HINT1: variants seen among roughly 807,000 people sequenced by gnomAD.
HINT1 encodes the protein histidine triad nucleotide binding protein 1, also known as adenosine 5'-monophosphoramidase HINT1.
Under a neutral mutation model 11.2 loss-of-function variants are expected in HINT1, and 12 were observed. The ratio of observed to expected loss-of-function variants is 1.07; its 90% CI spans 0.69 to 1.74. HINT1 has a LOEUF of 1.74. Ranked by LOEUF, HINT1 falls within the 40% of genes most tolerant of loss-of-function variation. The pLI is 0.00. For missense variants in HINT1, 150 were observed against 161.8 expected, an observed-to-expected ratio of 0.93 and a Z score of 0.40; for synonymous variants, 42 against 52.6, an observed-to-expected ratio of 0.80 and a Z score of 0.87.
At chr5:131,164,776 G>A (rs532303774) in intron 1 of HINT1, among the ~76,000 whole-genome samples, 15 of 152,206 alleles carry the variant, frequency 9.9e-5, no homozygotes, top group African/African-American at 3.6e-4. Flanking sequence ...AGGCAGCCGG[G>A]GAACCGGCGG....
intron 1 of HINT1, among the ~76,000 whole-genome samples, 163 bp from the exon 2 acceptor site, chr5:131,162,839 G>A (rs978968378): frequency 4.0e-5 from 6 of 151,878 alleles, no homozygotes; most frequent in African/African-American, 1.5e-4. Flanking sequence ...CCTTTCCATG[G>A]AAGTCTTTTT....
chr5:131,162,459 G>T (rs749678522), intron 2 of HINT1, 113 bp downstream of exon 2: 2 of 1,549,502 alleles, frequency 1.3e-6, no homozygotes, highest in African/African-American at 2.7e-5. Flanking sequence ...GGTTTTTCTG[G>T]TTTTTCCTTA....
chr5:131,162,589 C>A lies in HINT1; in HGVS notation c.199G>T (p.Glu67Ter), dbSNP rs1156372532. 6.2e-7 allele frequency: 1 copy of A among 1,611,870 alleles called. No homozygotes were observed. Among genetic ancestry groups the A allele is most frequent in the Admixed American group, 1.7e-5 (1 of 60,006 alleles). ...GTACTTACACTTTCATCATCATCTT[C>A]TGCCACAGAAATCTGGGATATATGT... ...KKHISQISVA[E>*]DDDESLLGHL... Residue 67 changes from glutamate to a stop codon, truncating the protein, a stop_gained, in exon 2 of 3, where the codon GAA (glutamate) becomes TAA (stop). Transcript: ENST00000304043. LOFTEE classifies it high-confidence loss of function.
chr5:131,163,585 G>T (rs1201448358), intron 1 of HINT1, among the ~76,000 whole-genome samples: 1 of 144,776 alleles, frequency 6.9e-6, no homozygotes, highest in African/African-American at 2.5e-5. Flanking sequence ...CAATTTCCTG[G>T]TTTTTTTTTT....
Position 131,165,142 on chromosome 5 carries a change from T to C in HINT1, c.64A>G (p.Ile22Val). Residue 22 changes from isoleucine (I) to valine (V), a missense_variant, in exon 1 of 3, where the codon ATC (isoleucine) becomes GTC (valine). Physicochemically the swap from Ile to Val is conservative, Grantham distance 29 (BLOSUM62 3). Coordinates refer to ENST00000304043, the MANE Select transcript of HINT1 (RefSeq NM_005340.7). ...TTGGCTGGTATTTCCTTGCGGATGATCTTCCCAAAGATCGTGTCGCCACCA... is the reference window on the plus strand; with the variant it reads ...TTGGCTGGTATTTCCTTGCGGATGACCTTCCCAAAGATCGTGTCGCCACCA... ...RPGGDTIFGKIIRKEIPAKII... is the reference protein window; with the variant it reads ...RPGGDTIFGKVIRKEIPAKII... 6.2e-7 allele frequency: 1 copy of C among 1,612,942 alleles called. No individual in the cohort carries two copies.
chr5:131,159,189 AAG>A lies in HINT1; in HGVS notation c.*256_*257del. ...GTTCATATGTTGAGTCCTCCTTGGG[AAG>A]AAAAAGCAAGAAACATCCAAAATTA... On this transcript the variant is annotated 3_prime_UTR_variant, in exon 3 of 3. Transcript: ENST00000304043. 3.0e-6 allele frequency: 1 copy of A among 334,388 alleles called. No homozygotes were observed. Among genetic ancestry groups the A allele is most frequent in the Non-Finnish European group, 5.5e-6 (1 of 181,160 alleles). 20.7% of individuals were successfully genotyped at this position (334,388 alleles called of 1,614,324 possible). A position where few individuals can be genotyped will look rare whatever the true frequency, so the allele number is the denominator to read the frequency against.
intron 1 of HINT1, among the ~76,000 whole-genome samples, chr5:131,163,763 G>A (rs1489243085): frequency 1.3e-5 from 2 of 152,142 alleles, no homozygotes; most frequent in Non-Finnish European, 2.9e-5. Context: ...TTAAAACAGT[G>A]TCTGTAAATA....
At chr5:131,164,171 G>A (rs1385130180) in intron 1 of HINT1, among the ~76,000 whole-genome samples, 6 of 151,978 alleles carry the variant, frequency 3.9e-5, no homozygotes, top group Admixed American at 2.0e-4. Context: ...TAACAAAACT[G>A]TTTACAAAAT....
chr5:131,159,602 G>A lies in HINT1; in HGVS notation c.226C>T (p.His76Tyr), dbSNP rs1291596129. 6.2e-7 allele frequency: 1 copy of A among 1,608,814 alleles called. No individual in the cohort carries two copies. The highest frequency in any genetic ancestry group is 2.2e-5 in the East Asian group (1 of 44,836). Residue 76 changes from histidine (H) to tyrosine (Y), a missense_variant, in exon 3 of 3, where the codon CAC becomes TAC. Transcript: ENST00000304043. ...AEDDDESLLGHLMIVGKKCAA... is the reference protein window; with the variant it reads ...AEDDDESLLGYLMIVGKKCAA... ...CATTTCTTGCCAACAATCATTAAGT[G>A]TCCAAGAAGCTGGAAAAGGAAAAAA... is the stretch of plus-strand genomic sequence containing the variant.
At chr5:131,162,072 T>TC (rs1480575386) in intron 2 of HINT1, 3 of 278,912 alleles carry the variant, frequency 1.1e-5, no homozygotes, top group Non-Finnish European at 2.0e-5. Context: ...ACGCGTGTAA[T>TC]CCCAGCACTT....
intron 2 of HINT1, chr5:131,162,141 T>C (rs1265231270): frequency 1.4e-5 from 6 of 440,378 alleles, no homozygotes; most frequent in Non-Finnish European, 4.0e-6. Flanking sequence ...CTGACTAACA[T>C]GGTGAAAGCC....
At position 131,162,233 on chromosome 5, in the gene HINT1, G is replaced by C. The variant is rs572074361; in HGVS notation, c.216+339C>G. ...CACTACTCGGGAGGCTGAGGCAGGA[G>C]AATGGTGTGAACCAGGGAGGTGGAG... On this transcript the variant is annotated intron_variant, in intron 2 of 2. Coordinates refer to ENST00000304043, the MANE Select transcript of HINT1 (RefSeq NM_005340.7). 7.2e-4 allele frequency: 411 copies of C among 572,432 alleles called. No homozygotes were observed. The Middle Eastern group carries it at 9.6e-3, about 13-fold the overall frequency. 35.5% of individuals were successfully genotyped at this position (572,432 alleles called of 1,614,324 possible).
chr5:131,164,898 AGCGCCGGCAC>A (rs1190794534), intron 1 of HINT1, among the ~76,000 whole-genome samples, 187 bp downstream of exon 1: 6 of 151,432 alleles, frequency 4.0e-5, no homozygotes, highest in Non-Finnish European at 8.9e-5. Context: ...GAGTAACCGG[AGCGCCGGCAC>A]GCGCCGGCAG....
chr5:131,160,133 A>G (rs932538035), intron 2 of HINT1, among the ~76,000 whole-genome samples: 2 of 152,100 alleles, frequency 1.3e-5, no homozygotes, highest in African/African-American at 4.8e-5. Context: ...GATTACAGGC[A>G]CAAGGCACTA....
intron 1 of HINT1, 38 bp downstream of exon 1, chr5:131,165,057 C>T (rs1755362541): frequency 1.2e-6 from 2 of 1,612,632 alleles, no homozygotes; most frequent in African/African-American, 1.3e-5. Flanking sequence ...GGACGATACC[C>T]ACCTCAGCAG....
chr5:131,160,152 C>CA (rs929000814), intron 2 of HINT1, among the ~76,000 whole-genome samples: 20 of 146,970 alleles, frequency 1.4e-4, no homozygotes, highest in South Asian at 2.1e-4. Flanking sequence ...TATGCCCAAC[C>CA]AAAAAAAAAA....
intron 1 of HINT1, 28 bp downstream of exon 1, chr5:131,165,067 G>C (rs752131357): frequency 1.2e-6 from 2 of 1,613,320 alleles, no homozygotes; most frequent in South Asian, 2.2e-5. Flanking sequence ...CACCTCAGCA[G>C]GCGAGAGAGG....
At chr5:131,164,680 G>C (rs1755346557) in intron 1 of HINT1, among the ~76,000 whole-genome samples, 1 of 152,192 alleles carries the variant, frequency 6.6e-6, no homozygotes, top group African/African-American at 2.4e-5. Flanking sequence ...CGCGGAGATT[G>C]GGCCTGAGTC....
intron 2 of HINT1, chr5:131,162,196 C>T (rs1384522674): frequency 7.7e-6 from 4 of 518,868 alleles, no homozygotes; most frequent in South Asian, 2.9e-5. Context: ...TGGTGGCGGG[C>T]GCCTGTTGTC....
Sources: allele counts gnomAD v4.1 joint callset (sites outside exome capture counted in the v4.1 genomes callset), GRCh38; gene constraint gnomAD v4.1.1; transcripts MANE v1.5; gene names NCBI Gene and HGNC (gene_info 2026-07-23, HGNC 2026-07-21).